ARIH1: variants seen among roughly 807,000 people sequenced by gnomAD.
ARIH1 encodes the protein ariadne RBR E3 ubiquitin protein ligase 1.
Under a neutral mutation model 85.0 loss-of-function variants are expected in ARIH1, and 8 were observed. The observed-to-expected ratio is 0.09, with a 90% CI of 0.06 to 0.17. The LOEUF is 0.17. Ranked by LOEUF, ARIH1 falls within the 10% of genes least tolerant of loss-of-function variation. ARIH1 has a pLI of 1.00. For synonymous variants in ARIH1, 238 were observed against 253.6 expected (o/e 0.94, Z 0.59); for missense variants, 311 against 718.1 (o/e 0.43, Z 6.48).
rs955371555 is a variant in ARIH1 at position 72,601,240 on chromosome 15, G to A, written c.*17948G>A. On this transcript the variant is annotated 3_prime_UTR_variant, in exon 14 of 14. Transcript: ENST00000379887. ...AGTTTACCCTAGATTATCAATTTTT[G>A]TCCCCCTCCCAATTCAGTCTCTACT... 6.6e-6 allele frequency: 1 copy of A among 151,968 alleles called. No homozygotes were observed. The highest frequency in any genetic ancestry group is 2.4e-5 in the African/African-American group (1 of 41,366). 9.4% of individuals were successfully genotyped at this position (151,968 alleles called of 1,614,324 possible).
At chr15:72,538,365 C>A (rs1006084048) in intron 2 of ARIH1, among the ~76,000 whole-genome samples, 2 of 152,012 alleles carry the variant, frequency 1.3e-5, no homozygotes, top group Non-Finnish European at 2.9e-5. Flanking sequence ...CTCTCCCCCG[C>A]AAATAAATAA....
chr15:72,592,740 G>T lies in ARIH1; in HGVS notation c.*9448G>T, dbSNP rs564617311. ...AAGACACGCATACTGTATGTATTAG[G>T]ACATTGTTCTTTATTGCTGAGTAGT... On this transcript the variant is annotated 3_prime_UTR_variant, in exon 14 of 14. Transcript: ENST00000379887. 6.6e-5 allele frequency: 10 copies of T among 152,192 alleles called. No homozygotes were observed. The highest frequency in any genetic ancestry group is 2.4e-4 in the African/African-American group (10 of 41,518). The allele number at this position is 152,192 out of a possible 1,614,324, so 9.4% of individuals were successfully genotyped here.
chr15:72,531,843 C>T (rs757406818), intron 2 of ARIH1, among the ~76,000 whole-genome samples: 5 of 152,066 alleles, frequency 3.3e-5, no homozygotes, highest in African/African-American at 9.7e-5. Context: ...TATGTTGTAC[C>T]TAGCTTTTGT....
chr15:72,501,971 G>A (rs1344795900), intron 1 of ARIH1, among the ~76,000 whole-genome samples: 1 of 152,120 alleles, frequency 6.6e-6, no homozygotes, highest in Admixed American at 6.5e-5. Context: ...TTCAGGTAAC[G>A]ATAAAAGTTT....
Position 72,584,045 on chromosome 15 carries a change from A to G in ARIH1, c.*753A>G, listed in dbSNP as rs901232939. ...CTGTGCATTTTCTTTCAGTTTGCTT[A>G]TCTTTCCCGGGTTGGGGTTGGGATA... is the stretch of plus-strand genomic sequence containing the variant. On this transcript the variant is annotated 3_prime_UTR_variant, in exon 14 of 14. Coordinates refer to ENST00000379887, the MANE Select transcript of ARIH1 (RefSeq NM_005744.5). The G allele has an allele frequency of 1.3e-5, 2 of 152,216 alleles. No homozygotes were observed. The highest frequency in any genetic ancestry group is 2.4e-5 in the African/African-American group (1 of 41,460). The allele number at this position is 152,216 out of a possible 1,614,324, so 9.4% of individuals were successfully genotyped here.
intron 5 of ARIH1, among the ~76,000 whole-genome samples, chr15:72,556,472 G>A (rs150896137): frequency 6.6e-6 from 1 of 152,244 alleles, no homozygotes; most frequent in Non-Finnish European, 1.5e-5. Flanking sequence ...GGACTACCCA[G>A]GGAGTCATGG....
chr15:72,528,590 A>G (rs992910965), intron 2 of ARIH1, among the ~76,000 whole-genome samples: 1 of 152,222 alleles, frequency 6.6e-6, no homozygotes, highest in Non-Finnish European at 1.5e-5. Context: ...ACAGTGGCTC[A>G]TGCCTGTGAT....
chr15:72,557,494 A>T (rs1259414630), intron 5 of ARIH1, among the ~76,000 whole-genome samples: 2 of 151,972 alleles, frequency 1.3e-5, no homozygotes, highest in East Asian at 1.9e-4. Flanking sequence ...CTCATTCTGT[A>T]GGTTGTCTGT....
Position 72,592,494 on chromosome 15 carries a change from C to T in ARIH1, c.*9202C>T, listed in dbSNP as rs2064347131. On this transcript the variant is annotated 3_prime_UTR_variant, in exon 14 of 14. Coordinates refer to ENST00000379887, the MANE Select transcript of ARIH1 (RefSeq NM_005744.5). ...AGTTTGATGTTTTGACAGTTGTATA[C>T]GTCTGTGTAATAACTACCAAAAGAA... 3 of 152,158 alleles carry T rather than the reference C, an allele frequency of 2.0e-5. No homozygotes were observed. The highest frequency in any genetic ancestry group is 1.9e-4 in the East Asian group (1 of 5,206). 9.4% of individuals were successfully genotyped at this position (152,158 alleles called of 1,614,324 possible). A position where few individuals can be genotyped will look rare whatever the true frequency, so the allele number is the denominator to read the frequency against.
At chr15:72,568,157 C>T (rs967009243) in intron 9 of ARIH1, among the ~76,000 whole-genome samples, 3 of 151,906 alleles carry the variant, frequency 2.0e-5, no homozygotes, top group African/African-American at 2.4e-5. Flanking sequence ...TTTTTTGTTC[C>T]CTCCAAAACC....
chr15:72,577,067 C>T (rs1018143799), intron 11 of ARIH1, among the ~76,000 whole-genome samples: 7 of 151,828 alleles, frequency 4.6e-5, no homozygotes, highest in African/African-American at 1.7e-4. Flanking sequence ...CCTGCAACCT[C>T]CACCTCCCGA....
chr15:72,544,017 G>A (rs1017668356), intron 2 of ARIH1, among the ~76,000 whole-genome samples: 1 of 151,896 alleles, frequency 6.6e-6, no homozygotes, highest in Non-Finnish European at 1.5e-5. Context: ...TCTGTCCAGA[G>A]GTTTGCTATT....
chr15:72,507,213 C>T (rs768227688), intron 1 of ARIH1, among the ~76,000 whole-genome samples: 8 of 152,116 alleles, frequency 5.3e-5, no homozygotes, highest in Admixed American at 2.6e-4. Context: ...TTGGTAGAGA[C>T]GGGGTTTCAC....
intron 2 of ARIH1, among the ~76,000 whole-genome samples, chr15:72,529,307 A>G (rs1254180760): frequency 6.6e-6 from 1 of 152,224 alleles, no homozygotes; most frequent in Non-Finnish European, 1.5e-5. Context: ...CAGTGGCGTG[A>G]TCACAGCTGA....
At chr15:72,570,149 A>ACAC in intron 9 of ARIH1, 28 bp from the exon 10 acceptor site, 1 of 1,612,156 alleles carries the variant, frequency 6.2e-7, no homozygotes, top group Non-Finnish European at 8.5e-7. Context: ...TGTAGCATTG[A>ACAC]CACCAACTTT....
At position 72,588,891 on chromosome 15, in the gene ARIH1, G is replaced by A. The variant is rs1365663965; in HGVS notation, c.*5599G>A. ...GAGTCTGAGCAAAGGAAGTTGAGTG[G>A]TTATAAGCAAAACTGTCATTAAAGC... On this transcript the variant is annotated 3_prime_UTR_variant, in exon 14 of 14. Transcript: ENST00000379887. 4 of 152,178 alleles carry A rather than the reference G, an allele frequency of 2.6e-5. No homozygotes were observed. The allele number at this position is 152,178 out of a possible 1,614,324, so 9.4% of individuals were successfully genotyped here.
At chr15:72,504,919 CT>C (rs2063918494) in intron 1 of ARIH1, among the ~76,000 whole-genome samples, 1 of 152,116 alleles carries the variant, frequency 6.6e-6, no homozygotes, top group South Asian at 2.1e-4. Flanking sequence ...AAATAAAGAG[CT>C]CTCAACAAAC....
rs191721186 is a variant in ARIH1, at chr15:72,508,316, T to G, written c.376-9751T>G. Among the ~76,000 whole-genome samples the G allele has an allele frequency of 4.5e-3, 691 of 152,360 alleles. 3 individuals are homozygous for G. The highest frequency in any genetic ancestry group is 7.2e-3 in the Non-Finnish European group (488 of 68,036). ...TTTTTGTTTGGTTTGTTTATATCCT[T>G]TAAAAAGGATGAAGAGCTCTTTATT... is the stretch of plus-strand genomic sequence containing the variant. On this transcript the variant is annotated intron_variant, in intron 1 of 13. Coordinates refer to ENST00000379887, the MANE Select transcript of ARIH1 (RefSeq NM_005744.5).
At chr15:72,557,255 A>G (rs1352861585) in intron 5 of ARIH1, among the ~76,000 whole-genome samples, 1 of 151,862 alleles carries the variant, frequency 6.6e-6, no homozygotes, top group Non-Finnish European at 1.5e-5. Flanking sequence ...GGCTGCGTAT[A>G]TGTCTTCTTG....
Sources: gnomAD v4.1 joint callset for allele counts (sites outside exome capture counted in the v4.1 genomes callset) on GRCh38, gnomAD v4.1.1 for gene constraint, MANE v1.5 for transcripts, NCBI Gene and HGNC (gene_info 2026-07-23, HGNC 2026-07-21) for gene names.